MACROD2: variants seen among roughly 807,000 people sequenced by gnomAD.
The protein encoded by MACROD2 is mono-ADP ribosylhydrolase 2, also known as ADP-ribose glycohydrolase MACROD2.
MACROD2 carries 36 observed loss-of-function variants against 70.4 expected under a neutral mutation model. The ratio of observed to expected loss-of-function variants is 0.51; its 90% CI spans 0.39 to 0.68. MACROD2 has a LOEUF of 0.68. Among genes scored for constraint, MACROD2 ranks in the 30% least tolerant of loss-of-function variants. The pLI is 0.00. For missense variants in MACROD2, 496 were observed against 538.4 expected, an observed-to-expected ratio of 0.92 and a Z score of 0.78; for synonymous variants, 172 against 178.8, an observed-to-expected ratio of 0.96 and a Z score of 0.30.
intron 7 of MACROD2, among the ~76,000 whole-genome samples, chr20:15,471,676 CCTT>C (rs2046965734): frequency 6.6e-6 from 1 of 152,110 alleles, no homozygotes; most frequent in Non-Finnish European, 1.5e-5. Context: ...CTTTCCAGTT[CCTT>C]CTTCTTTTCC....
Position 16,024,481 on chromosome 20 carries a change from A to C in MACROD2, c.1154-16720A>C, listed in dbSNP as rs190107496. 1.5e-4 allele frequency among the ~76,000 whole-genome samples: 22 copies of C among 151,552 alleles called. No individual in the cohort carries two copies. In the East Asian group the frequency reaches 4.3e-3, roughly 30 times the overall value. On this transcript the variant is annotated intron_variant, in intron 15 of 17. Transcript: ENST00000684519. ...GTAAAGAGCACTACTTTTTCACCCA[A>C]CCCATGCAGCCATGTTCACACACAC...
Position 15,876,109 on chromosome 20 carries a change from A to ATATATATATATATATATATATATG in MACROD2, c.728-9652_728-9651insATATATATATATATATATATGTAT, listed in dbSNP as rs57817982. ...ATGTCTTTTATATATATATATATAT[A>ATATATATATATATATATATATATG]TATGTGTGTATTTTTTTTATTACAC... On this transcript the variant is annotated intron_variant, in intron 9 of 17. Transcript: ENST00000684519. Among the ~76,000 whole-genome samples the ATATATATATATATATATATATATG allele has an allele frequency of 4.3e-3, 531 of 124,284 alleles. 21 individuals carry two copies. Among genetic ancestry groups the ATATATATATATATATATATATATG allele is most frequent in the East Asian group, 0.015 (52 of 3,472 alleles). 81.5% of individuals were successfully genotyped at this position (124,284 alleles called of 152,430 possible). A position where few individuals can be genotyped will look rare whatever the true frequency, so the allele number is the denominator to read the frequency against.
chr20:14,969,607 T>C (rs1215030537), intron 5 of MACROD2, among the ~76,000 whole-genome samples: 2 of 152,160 alleles, frequency 1.3e-5, no homozygotes, highest in Non-Finnish European at 2.9e-5. Flanking sequence ...GATCATTGAC[T>C]GTGGGAGACA....
intron 5 of MACROD2, among the ~76,000 whole-genome samples, chr20:14,797,404 A>G (rs1179483932): frequency 6.6e-6 from 1 of 151,786 alleles, no homozygotes. Flanking sequence ...CTCCTGGCTC[A>G]CCTTGTAGCA....
chr20:14,053,055 A>T (rs2053588856), intron 2 of MACROD2: 1 of 150,150 alleles, frequency 6.7e-6, no homozygotes. Context: ...TTAAGAGAGA[A>T]TTTTGTATTA....
intron 3 of MACROD2, among the ~76,000 whole-genome samples, chr20:14,132,904 G>C (rs1324643238): frequency 6.6e-6 from 1 of 152,190 alleles, no homozygotes; most frequent in Non-Finnish European, 1.5e-5. Flanking sequence ...GTCTCCCAAA[G>C]TGTTGGGATT....
intron 6 of MACROD2, among the ~76,000 whole-genome samples, chr20:15,238,435 T>C (rs2077033186): frequency 6.6e-6 from 1 of 151,892 alleles, no homozygotes; most frequent in African/African-American, 2.4e-5. Context: ...TACGGAAGAG[T>C]TGGCCACCCA....
chr20:15,489,812 G>A (rs1341732772), intron 7 of MACROD2, among the ~76,000 whole-genome samples: 4 of 152,152 alleles, frequency 2.6e-5, no homozygotes, highest in East Asian at 1.9e-4. Flanking sequence ...CCAGGCTCCA[G>A]GCTAGGGTAT....
Position 15,938,468 on chromosome 20 carries a change from T to A in MACROD2, c.907+924T>A, listed in dbSNP as rs78314851. Among the ~76,000 whole-genome samples, 34 of 152,274 alleles carry A rather than the reference T, an allele frequency of 2.2e-4. No homozygotes were observed. In the East Asian group the frequency reaches 4.8e-3, roughly 22 times the overall value. On this transcript the variant is annotated intron_variant, in intron 12 of 17. Transcript: ENST00000684519. ...TTCTGTCTGTAATGGTGATCAGTGA[T>A]CAGTGATCTTTGGTGTTACTATTAT... is the stretch of plus-strand genomic sequence containing the variant.
chr20:14,342,042 T>TG (rs113531899), intron 3 of MACROD2, among the ~76,000 whole-genome samples: 1,902 of 152,166 alleles, frequency 0.012, 36 homozygotes, highest in African/African-American at 0.043. Flanking sequence ...CACGGAGCCC[T>TG]GGGGGGGTCA....
At chr20:14,337,336 C>G in intron 3 of MACROD2, 198 of 247,968 alleles carry the variant, frequency 8.0e-4, no homozygotes, top group Middle Eastern at 1.2e-3. Flanking sequence ...CAAGTCGTTT[C>G]TTTCTAGAGA....
chr20:15,113,648 A>T (rs1253859397), intron 5 of MACROD2, among the ~76,000 whole-genome samples: 2 of 152,076 alleles, frequency 1.3e-5, no homozygotes, highest in Non-Finnish European at 2.9e-5. Flanking sequence ...AAAGCCTCCA[A>T]CACAAAGTGT....
intron 8 of MACROD2, among the ~76,000 whole-genome samples, chr20:15,682,606 C>T (rs985411711): frequency 6.6e-6 from 1 of 152,160 alleles, no homozygotes; most frequent in African/African-American, 2.4e-5. Flanking sequence ...GTGAGAGGAC[C>T]ATGTTTCATT....
intron 5 of MACROD2, among the ~76,000 whole-genome samples, chr20:14,790,145 ACTT>A (rs1280466341): frequency 2.0e-5 from 3 of 152,076 alleles, no homozygotes; most frequent in Admixed American, 6.6e-5. Context: ...TTATATAAAC[ACTT>A]CTTATTTGTT....
intron 4 of MACROD2, among the ~76,000 whole-genome samples, chr20:14,535,986 C>T (rs2085359300): frequency 6.6e-6 from 1 of 152,038 alleles, no homozygotes; most frequent in South Asian, 2.1e-4. Flanking sequence ...CTAATGGAAA[C>T]AGGCCTGTTG....
At chr20:15,778,091 C>T (rs953794823) in intron 8 of MACROD2, among the ~76,000 whole-genome samples, 3 of 152,168 alleles carry the variant, frequency 2.0e-5, no homozygotes, top group Non-Finnish European at 4.4e-5. Context: ...CCACTAACCC[C>T]ATGAGGTCAA....
At chr20:14,435,960 G>A (rs1280711234) in intron 3 of MACROD2, among the ~76,000 whole-genome samples, 1 of 152,112 alleles carries the variant, frequency 6.6e-6, no homozygotes, top group Non-Finnish European at 1.5e-5. Context: ...ACCTACCTCA[G>A]CCTCCCAAAG....
chr20:15,755,735 C>T (rs1308936363), intron 8 of MACROD2, among the ~76,000 whole-genome samples: 1 of 152,148 alleles, frequency 6.6e-6, no homozygotes, highest in African/African-American at 2.4e-5. Flanking sequence ...AAAACATGTG[C>T]ACTCAATAAA....
chr20:14,325,936 T>G, intron 3 of MACROD2: 1 of 1,613,750 alleles, frequency 6.2e-7, no homozygotes, highest in South Asian at 1.1e-5. Flanking sequence ...TAAATTGGGG[T>G]TTTTGTAAGG....
Sources: allele counts gnomAD v4.1 joint callset (sites outside exome capture counted in the v4.1 genomes callset), GRCh38; gene constraint gnomAD v4.1.1; transcripts MANE v1.5; gene names NCBI Gene and HGNC (gene_info 2026-07-23, HGNC 2026-07-21).